Variants in DAB1 observed in about 807,000 individuals in gnomAD.
DAB1 encodes the protein disabled homolog 1.
DAB1 carries 15 observed loss-of-function variants against 64.6 expected under a neutral mutation model. The ratio of observed to expected loss-of-function variants is 0.23; its 90% CI spans 0.16 to 0.36. DAB1 has a LOEUF of 0.36. Among genes scored for constraint, DAB1 ranks in the 10% least tolerant of loss-of-function variants. The pLI is 1.00. For missense variants in DAB1, 596 were observed against 706.7 expected (o/e 0.84, Z 1.78); for synonymous variants, 235 against 251.9 (o/e 0.93, Z 0.64).
chr1:58,464,854 T>G (rs1431531658), intron 3 of DAB1, among the ~76,000 whole-genome samples: 2 of 152,166 alleles, frequency 1.3e-5, no homozygotes, highest in Non-Finnish European at 2.9e-5. Context: ...CAGGCAGCCC[T>G]TGCCCTCACA....
At chr1:57,761,654 G>A (rs1649093154) in intron 6 of DAB1, among the ~76,000 whole-genome samples, 1 of 152,148 alleles carries the variant, frequency 6.6e-6, no homozygotes, top group Non-Finnish European at 1.5e-5. Flanking sequence ...GCCCAGCTGC[G>A]AACATGACTG....
At chr1:58,218,943 C>T (rs572671269) in intron 4 of DAB1, among the ~76,000 whole-genome samples, 3 of 150,996 alleles carry the variant, frequency 2.0e-5, no homozygotes, top group Middle Eastern at 3.4e-3. Flanking sequence ...GTTATACACA[C>T]TCTCCATGTG....
At chr1:57,070,829 C>G (rs773928155) in intron 7 of DAB1, 194 bp downstream of exon 7, 13 of 614,770 alleles carry the variant, frequency 2.1e-5, no homozygotes, top group Admixed American at 8.3e-5. Flanking sequence ...CCCAAGATAC[C>G]GATGCCGGCC....
At chr1:57,674,029 CACCCTA>C (rs1447691354) in intron 6 of DAB1, among the ~76,000 whole-genome samples, 1 of 152,090 alleles carries the variant, frequency 6.6e-6, no homozygotes, top group African/African-American at 2.4e-5. Flanking sequence ...GAACTGGAAC[CACCCTA>C]GAGGGTTGTT....
rs1461164802 is a variant in DAB1 at position 58,411,007 on chromosome 1, G to A, written n.258-67604C>T. 3.9e-5 allele frequency among the ~76,000 whole-genome samples: 6 copies of A among 152,286 alleles called. No homozygotes were observed. The South Asian group carries it at 1.0e-3, about 26-fold the overall frequency. On this transcript the variant is annotated intron_variant and non_coding_transcript_variant, in intron 3 of 20. Coordinates refer to the DAB1 transcript ENST00000485760. ...CTTAAAGGGAAAAATTACAGAGTTG[G>A]TAGGAAACTTGGAGACCATCTAATT...
chr1:57,782,377 AT>A (rs1230665511), intron 6 of DAB1, among the ~76,000 whole-genome samples: 1 of 152,198 alleles, frequency 6.6e-6, no homozygotes, highest in African/African-American at 2.4e-5. Context: ...CTAGACATTC[AT>A]ATCTGTGGCT....
chr1:57,486,492 T>G (rs1644093591), intron 7 of DAB1, among the ~76,000 whole-genome samples: 1 of 152,172 alleles, frequency 6.6e-6, no homozygotes, highest in South Asian at 2.1e-4. Flanking sequence ...TTGTCTTAAT[T>G]GTCTGTCTGT....
chr1:57,185,888 TC>T, intron 2 of DAB1, among the ~76,000 whole-genome samples: 1 of 152,154 alleles, frequency 6.6e-6, no homozygotes, highest in African/African-American at 2.4e-5. Flanking sequence ...ACAAACTCCC[TC>T]CCCGAGTACG....
At chr1:57,222,970 G>A (rs531071983) in intron 2 of DAB1, among the ~76,000 whole-genome samples, 11 of 152,194 alleles carry the variant, frequency 7.2e-5, no homozygotes, top group South Asian at 2.1e-4. Context: ...CACATCACAC[G>A]CCTCCTGGGT....
chr1:58,280,505 A>G (rs1661532778), intron 4 of DAB1, among the ~76,000 whole-genome samples: 1 of 152,198 alleles, frequency 6.6e-6, no homozygotes, highest in African/African-American at 2.4e-5. Flanking sequence ...ACCTCATAGG[A>G]TTGTCATAAA....
At chr1:57,713,353 A>T (rs2101748012) in intron 6 of DAB1, among the ~76,000 whole-genome samples, 1 of 152,330 alleles carries the variant, frequency 6.6e-6, no homozygotes, top group South Asian at 2.1e-4. Flanking sequence ...AGATTATAAT[A>T]AATTTTGATA....
intron 5 of DAB1, among the ~76,000 whole-genome samples, chr1:58,016,155 C>T (rs566713883): frequency 6.6e-6 from 1 of 152,012 alleles, no homozygotes; most frequent in Admixed American, 6.6e-5. Flanking sequence ...AATTGGGGGT[C>T]AGTACATTTT....
At chr1:57,655,185 A>G (rs1646301902) in intron 6 of DAB1, among the ~76,000 whole-genome samples, 1 of 152,134 alleles carries the variant, frequency 6.6e-6, no homozygotes, top group South Asian at 2.1e-4. Flanking sequence ...CCATCCATCC[A>G]TCAATCAACT....
At chr1:57,197,635 C>A (rs1251079898) in intron 2 of DAB1, among the ~76,000 whole-genome samples, 1 of 152,218 alleles carries the variant, frequency 6.6e-6, no homozygotes, top group African/African-American at 2.4e-5. Flanking sequence ...GTGCCAGATT[C>A]ATCTAATTCC....
intron 9 of DAB1, among the ~76,000 whole-genome samples, chr1:57,041,915 T>C (rs111908605): frequency 2.0e-5 from 3 of 152,190 alleles, no homozygotes; most frequent in African/African-American, 7.2e-5. Flanking sequence ...CTCAAAAACA[T>C]GATAATAATA....
Position 58,520,843 on chromosome 1 carries a change from A to G in DAB1, n.107+6418T>C, listed in dbSNP as rs143728362. Among the ~76,000 whole-genome samples the G allele has an allele frequency of 2.5e-4, 38 of 152,316 alleles. No individual in the cohort carries two copies. The Middle Eastern group carries it at 0.01, about 41-fold the overall frequency. On this transcript the variant is annotated intron_variant and non_coding_transcript_variant, in intron 2 of 20. Coordinates refer to the DAB1 transcript ENST00000485760. ...TAATAGCCCTAAAAGGAAAAAAGAA[A>G]AATCTACAACCATAATGAAATATTA...
At chr1:58,504,902 T>C (rs1342934719) in intron 3 of DAB1, among the ~76,000 whole-genome samples, 2 of 152,200 alleles carry the variant, frequency 1.3e-5, no homozygotes, top group Non-Finnish European at 2.9e-5. Context: ...CATTTCTTTC[T>C]TTTAAGAGGT....
chr1:57,366,900 T>G lies in DAB1; in HGVS notation c.-137+57030A>C, dbSNP rs1008431625. On this transcript the variant is annotated intron_variant, in intron 1 of 14. Coordinates refer to ENST00000371236, the MANE Select transcript of DAB1 (RefSeq NM_001365792.1). ...CTGGAAAGAATGAAGCCCAGGAATG[T>G]AAACTGACTATATAAATCACACAAG... Among the ~76,000 whole-genome samples, 5 of 151,918 alleles carry G rather than the reference T, an allele frequency of 3.3e-5. No individual in the cohort carries two copies. The South Asian group carries it at 1.0e-3, about 32-fold the overall frequency.
At chr1:57,703,392 T>G (rs772713356) in intron 6 of DAB1, among the ~76,000 whole-genome samples, 2 of 152,130 alleles carry the variant, frequency 1.3e-5, no homozygotes, top group Non-Finnish European at 2.9e-5. Context: ...ATGGACACTT[T>G]TCAAAAGAAG....
Sources: gnomAD v4.1 joint callset for allele counts (sites outside exome capture counted in the v4.1 genomes callset) on GRCh38, gnomAD v4.1.1 for gene constraint, MANE v1.5 for transcripts, NCBI Gene and HGNC (gene_info 2026-07-23, HGNC 2026-07-21) for gene names.